Variants in CTNNA3 observed in about 807,000 individuals in gnomAD.
CTNNA3 encodes the protein catenin alpha-3.
Under a neutral mutation model 95.7 loss-of-function variants are expected in CTNNA3, and 76 were observed. The ratio of observed to expected loss-of-function variants is 0.79; its 90% CI spans 0.66 to 0.96. The LOEUF (loss-of-function observed/expected upper bound fraction) is 0.96. CTNNA3 is among the 40% of genes least tolerant of loss of function. CTNNA3 has a pLI of 0.00. For missense variants in CTNNA3, 1,191 were observed against 1,089.8 expected, an observed-to-expected ratio of 1.09 and a Z score of -1.31; for synonymous variants, 431 against 374.4, an observed-to-expected ratio of 1.15 and a Z score of -1.74.
chr10:66,164,250 T>C (rs1160407318), intron 13 of CTNNA3, among the ~76,000 whole-genome samples: 1 of 152,208 alleles, frequency 6.6e-6, no homozygotes, highest in African/African-American at 2.4e-5. Flanking sequence ...ATATGATGTA[T>C]ATAGTAAATA....
intron 17 of CTNNA3, among the ~76,000 whole-genome samples, chr10:65,930,755 G>GA (rs970909754): frequency 2.0e-4 from 31 of 151,756 alleles, no homozygotes; most frequent in African/African-American, 6.8e-4. Context: ...TCCATCACTA[G>GA]AAAAAAAATA....
chr10:67,480,514 G>C (rs1199151759), intron 5 of CTNNA3, among the ~76,000 whole-genome samples: 1 of 152,174 alleles, frequency 6.6e-6, no homozygotes, highest in Non-Finnish European at 1.5e-5. Context: ...TGAGGACAAG[G>C]AACACCTGGC....
At chr10:67,691,039 G>A (rs368139192) in intron 1 of CTNNA3, among the ~76,000 whole-genome samples, 10 of 152,204 alleles carry the variant, frequency 6.6e-5, no homozygotes, top group Non-Finnish European at 1.2e-4. Context: ...TTGCAGGCGC[G>A]CGCCGCCACG....
chr10:67,512,870 A>T (rs1839684241), intron 5 of CTNNA3, among the ~76,000 whole-genome samples: 1 of 152,128 alleles, frequency 6.6e-6, no homozygotes, highest in Non-Finnish European at 1.5e-5. Flanking sequence ...CTGTAGTCCC[A>T]GCTACTCGGG....
At chr10:67,437,299 A>C (rs1405822583) in intron 5 of CTNNA3, among the ~76,000 whole-genome samples, 1 of 152,102 alleles carries the variant, frequency 6.6e-6, no homozygotes, top group Non-Finnish European at 1.5e-5. Context: ...AGAATGATAC[A>C]ATGGACTTTG....
intron 11 of CTNNA3, among the ~76,000 whole-genome samples, chr10:66,514,486 G>A (rs1294518906): frequency 6.6e-6 from 1 of 152,070 alleles, no homozygotes; most frequent in Admixed American, 6.5e-5. Context: ...ATTATAATCA[G>A]AACACTCCAC....
At chr10:66,574,677 T>G (rs1427797737) in intron 10 of CTNNA3, among the ~76,000 whole-genome samples, 1 of 152,128 alleles carries the variant, frequency 6.6e-6, no homozygotes, top group Admixed American at 6.6e-5. Context: ...AATCTGAGTA[T>G]TAAAGTACAA....
intron 7 of CTNNA3, among the ~76,000 whole-genome samples, chr10:67,020,416 A>C (rs1486036125): frequency 6.6e-6 from 1 of 152,194 alleles, no homozygotes; most frequent in East Asian, 1.9e-4. Context: ...AATGGATGGC[A>C]GCAGGGATAT....
chr10:66,412,975 G>C (rs2132602690), intron 11 of CTNNA3, among the ~76,000 whole-genome samples: 1 of 152,184 alleles, frequency 6.6e-6, no homozygotes, highest in East Asian at 1.9e-4. Flanking sequence ...CATACATCAA[G>C]TTTTATAAAA....
At chr10:67,184,452 C>A (rs1458569747) in intron 6 of CTNNA3, among the ~76,000 whole-genome samples, 1 of 152,178 alleles carries the variant, frequency 6.6e-6, no homozygotes, top group Non-Finnish European at 1.5e-5. Flanking sequence ...TGCAGCTTCT[C>A]CCGGAGCAAC....
At chr10:66,982,456 T>C (rs181680373) in intron 7 of CTNNA3, among the ~76,000 whole-genome samples, 1 of 152,200 alleles carries the variant, frequency 6.6e-6, no homozygotes, top group Non-Finnish European at 1.5e-5. Flanking sequence ...CTTGAGAAGA[T>C]AATTTGATGT....
At chr10:66,814,531 C>A (rs573383858) in intron 7 of CTNNA3, among the ~76,000 whole-genome samples, 1 of 152,174 alleles carries the variant, frequency 6.6e-6, no homozygotes, top group South Asian at 2.1e-4. Flanking sequence ...GAGGCCAAGG[C>A]AAGCAGATCA....
intron 11 of CTNNA3, among the ~76,000 whole-genome samples, chr10:66,453,113 A>T (rs538594138): frequency 6.6e-6 from 1 of 152,046 alleles, no homozygotes; most frequent in Non-Finnish European, 1.5e-5. Flanking sequence ...GCTGCTTGGG[A>T]AGTATAGGCA....
At chr10:67,539,471 T>C (rs777045146) in intron 4 of CTNNA3, 32 bp downstream of exon 4, 3 of 1,608,176 alleles carry the variant, frequency 1.9e-6, no homozygotes, top group Non-Finnish European at 2.6e-6. Context: ...GTGAAGACAA[T>C]GCCAAGGTAA....
chr10:66,564,332 T>C (rs762274906), intron 10 of CTNNA3, among the ~76,000 whole-genome samples: 1 of 152,122 alleles, frequency 6.6e-6, no homozygotes. Context: ...TGAGCAGATG[T>C]ACAATGGCCA....
chr10:66,860,335 C>T (rs187437063), intron 7 of CTNNA3, among the ~76,000 whole-genome samples: 14 of 152,224 alleles, frequency 9.2e-5, no homozygotes, highest in African/African-American at 3.4e-4. Flanking sequence ...AAATTACTTG[C>T]TTCTTTGTAA....
chr10:67,706,955 T>C (rs1444996522), intron 1 of CTNNA3, among the ~76,000 whole-genome samples: 1 of 152,166 alleles, frequency 6.6e-6, no homozygotes, highest in Non-Finnish European at 1.5e-5. Context: ...AACCTATTTT[T>C]CTCTGACATT....
chr10:67,469,002 C>T (rs980165366), intron 5 of CTNNA3, among the ~76,000 whole-genome samples: 1 of 152,146 alleles, frequency 6.6e-6, no homozygotes, highest in African/African-American at 2.4e-5. Context: ...TGCTTTGAGG[C>T]AGATGGGTAC....
intron 5 of CTNNA3, among the ~76,000 whole-genome samples, chr10:67,267,568 G>A (rs558739621): frequency 3.4e-4 from 51 of 152,056 alleles, no homozygotes; most frequent in Non-Finnish European, 5.6e-4. Context: ...GGGTTTCACC[G>A]TGTTAGCCAG....
Sources: allele counts gnomAD v4.1 joint callset (sites outside exome capture counted in the v4.1 genomes callset), GRCh38; gene constraint gnomAD v4.1.1; transcripts MANE v1.5; gene names NCBI Gene and HGNC (gene_info 2026-07-23, HGNC 2026-07-21).